The following GPATCH2L variants were observed in gnomAD, a reference collection of about 807,000 sequenced individuals.
GPATCH2L encodes the protein G-patch domain containing 2 like, also known as G patch domain-containing protein 2-like.
In GPATCH2L, 31 loss-of-function variants were observed where a neutral mutation model predicts 57.4. That is an observed-to-expected ratio of 0.54 (90% CI 0.41 to 0.73). The LOEUF (loss-of-function observed/expected upper bound fraction) is 0.73, where lower values mean the gene tolerates loss of function less well. GPATCH2L is among the 30% of genes least tolerant of loss of function. The pLI is 0.00. For missense variants in GPATCH2L, 481 were observed against 599.9 expected (o/e 0.80, Z 2.07); for synonymous variants, 199 against 210.7 (o/e 0.94, Z 0.48).
At chr14:76,199,296 G>A (rs1002914156) in intron 9 of GPATCH2L, among the ~76,000 whole-genome samples, 5 of 151,854 alleles carry the variant, frequency 3.3e-5, no homozygotes, top group African/African-American at 1.2e-4. Flanking sequence ...TTTTTTTCAA[G>A]TAGTTTTAGC....
At chr14:76,179,296 C>G (rs1262156570) in intron 7 of GPATCH2L, 1 of 152,026 alleles carries the variant, frequency 6.6e-6, no homozygotes, top group Non-Finnish European at 1.5e-5. Context: ...CCTGTTATTT[C>G]ACGGAAATAT....
chr14:76,176,758 A>G, intron 6 of GPATCH2L, 68 bp downstream of exon 6: 1 of 985,044 alleles, frequency 1.0e-6, no homozygotes, highest in Non-Finnish European at 1.6e-6. Context: ...GGGGAGTTTT[A>G]TGGAGCAACT....
chr14:76,193,303 T>TA (rs2040041991), intron 8 of GPATCH2L, among the ~76,000 whole-genome samples: 1 of 151,976 alleles, frequency 6.6e-6, no homozygotes, highest in South Asian at 2.1e-4. Context: ...GAGTTGATAA[T>TA]ATGGGCCTTT....
chr14:76,216,273 TC>T (rs1444785893), downstream of GPATCH2L, among the ~76,000 whole-genome samples: 1 of 152,132 alleles, frequency 6.6e-6, no homozygotes, highest in Non-Finnish European at 1.5e-5. Context: ...TAACAAGTTG[TC>T]CCTTACATAG....
intron 2 of GPATCH2L, among the ~76,000 whole-genome samples, chr14:76,234,343 C>T (rs1489151013): frequency 6.6e-6 from 1 of 152,156 alleles, no homozygotes; most frequent in Non-Finnish European, 1.5e-5. Flanking sequence ...TAAGGTGTCC[C>T]ATGATTCCTA....
downstream of GPATCH2L, among the ~76,000 whole-genome samples, chr14:76,215,613 G>T (rs866225565): frequency 1.3e-5 from 2 of 151,834 alleles, no homozygotes; most frequent in African/African-American, 4.8e-5. Flanking sequence ...CATGTCCTTT[G>T]TAGGGACATG....
At chr14:76,201,550 C>G (rs2040310552) in intron 9 of GPATCH2L, 141 bp from the exon 10 acceptor site, 3 of 475,196 alleles carry the variant, frequency 6.3e-6, no homozygotes, top group South Asian at 5.5e-5. Context: ...AAAGAGATAC[C>G]TTACGTGGCC....
intron 8 of GPATCH2L, among the ~76,000 whole-genome samples, chr14:76,188,738 G>T (rs1340024508): frequency 6.6e-6 from 1 of 151,912 alleles, no homozygotes; most frequent in Admixed American, 6.6e-5. Context: ...TTTTTGCCTT[G>T]GTTGTTGTGA....
chr14:76,221,431 C>T (rs917307748), intron 1 of GPATCH2L, among the ~76,000 whole-genome samples: 13 of 152,140 alleles, frequency 8.5e-5, no homozygotes, highest in Admixed American at 2.0e-4. Flanking sequence ...TGATGAAAGA[C>T]GGTTTGGCAG....
intron 8 of GPATCH2L, among the ~76,000 whole-genome samples, chr14:76,191,230 T>C (rs1370790884): frequency 1.3e-5 from 2 of 152,116 alleles, no homozygotes; most frequent in Non-Finnish European, 2.9e-5. Context: ...ATTAAATAAA[T>C]AACACATTAA....
intron 6 of GPATCH2L, 77 bp from the exon 7 acceptor site, chr14:76,177,911 G>A (rs754659018): frequency 2.5e-6 from 4 of 1,599,078 alleles, no homozygotes; most frequent in Non-Finnish European, 3.4e-6. Flanking sequence ...ACCATCAGCT[G>A]GGAAAAGAGA....
At chr14:76,171,403 C>G (rs990571186) in intron 3 of GPATCH2L, among the ~76,000 whole-genome samples, 1 of 152,112 alleles carries the variant, frequency 6.6e-6, no homozygotes, top group African/African-American at 2.4e-5. Context: ...GGCAAAACCC[C>G]GTCTCTACTA....
chr14:76,212,599 A>T lies in GPATCH2L; in HGVS notation c.*10748A>T, dbSNP rs547775195. ...TCAATTCATGACAGATCAAGTGGAT[A>T]AAAAACTAGGACATGGGATGATTTA... On this transcript the variant is annotated 3_prime_UTR_variant, in exon 10 of 10. Coordinates refer to ENST00000261530, the MANE Select transcript of GPATCH2L (RefSeq NM_017926.4). 1 of 152,342 alleles carries T rather than the reference A, an allele frequency of 6.6e-6. No homozygotes were observed. Among genetic ancestry groups the T allele is most frequent in the Non-Finnish European group, 1.5e-5 (1 of 68,012 alleles). 9.4% of individuals were successfully genotyped at this position (152,342 alleles called of 1,614,324 possible).
chr14:76,185,299 A>C (rs2039724180), intron 8 of GPATCH2L, among the ~76,000 whole-genome samples: 1 of 152,218 alleles, frequency 6.6e-6, no homozygotes, highest in South Asian at 2.1e-4. Context: ...CTGCTGCCCA[A>C]ACAGCAGATG....
chr14:76,159,909 G>A (rs2038494398), intron 2 of GPATCH2L, among the ~76,000 whole-genome samples: 1 of 152,102 alleles, frequency 6.6e-6, no homozygotes, highest in African/African-American at 2.4e-5. Context: ...GAGGCAGGTG[G>A]ATCACAAGGT....
At chr14:76,186,338 A>T (rs546770728) in intron 8 of GPATCH2L, among the ~76,000 whole-genome samples, 2 of 152,274 alleles carry the variant, frequency 1.3e-5, no homozygotes, top group South Asian at 4.1e-4. Flanking sequence ...TTATCTGTTC[A>T]CAAACGTTAT....
chr14:76,218,686 TAGAG>T (rs901112201), downstream of GPATCH2L, among the ~76,000 whole-genome samples: 18 of 150,322 alleles, frequency 1.2e-4, no homozygotes, highest in African/African-American at 2.7e-4. Context: ...TAAAAAAAGA[TAGAG>T]GGAGACTACT....
chr14:76,231,266 G>A (rs2040560155), intron 2 of GPATCH2L, among the ~76,000 whole-genome samples: 1 of 152,146 alleles, frequency 6.6e-6, no homozygotes, highest in Admixed American at 6.5e-5. Flanking sequence ...TGATTCAAAG[G>A]GTTTGCCAGG....
At chr14:76,233,482 G>C (rs551419979) in intron 2 of GPATCH2L, among the ~76,000 whole-genome samples, 6 of 152,282 alleles carry the variant, frequency 3.9e-5, no homozygotes, top group African/African-American at 1.4e-4. Context: ...ACCCATAAAA[G>C]TTGATAGAAC....
Sources: gnomAD v4.1 joint callset for allele counts (sites outside exome capture counted in the v4.1 genomes callset) on GRCh38, gnomAD v4.1.1 for gene constraint, MANE v1.5 for transcripts, NCBI Gene and HGNC (gene_info 2026-07-23, HGNC 2026-07-21) for gene names.